Variants in GLIS3 observed in about 807,000 individuals in gnomAD.
The protein encoded by GLIS3 is GLIS family zinc finger 3, also known as zinc finger protein GLIS3.
GLIS3 carries 53 observed loss-of-function variants against 78.6 expected under a neutral mutation model. The observed-to-expected ratio is 0.67, with a 90% CI of 0.54 to 0.85. GLIS3 has a LOEUF of 0.85. Among genes scored for constraint, GLIS3 ranks in the 40% least tolerant of loss-of-function variants. GLIS3 has a pLI of 0.00. For missense variants in GLIS3, 1,703 were observed against 1,231.1 expected, an observed-to-expected ratio of 1.38 and a Z score of -5.74; for synonymous variants, 684 against 509.9, an observed-to-expected ratio of 1.34 and a Z score of -4.60.
the GLIS3 span, among the ~76,000 whole-genome samples, chr9:4,427,095 AG>A: frequency 6.6e-6 from 1 of 152,190 alleles, no homozygotes; most frequent in Non-Finnish European, 1.5e-5. Flanking sequence ...TATCCATAAA[AG>A]TTTTATCTAA....
chr9:4,003,424 T>C (rs1198259042), intron 4 of GLIS3, among the ~76,000 whole-genome samples: 1 of 152,168 alleles, frequency 6.6e-6, no homozygotes, highest in Non-Finnish European at 1.5e-5. Context: ...AAACCTGAAC[T>C]TGAGTCCCTC....
At chr9:4,235,754 A>T (rs562579098) in intron 2 of GLIS3, among the ~76,000 whole-genome samples, 18 of 152,346 alleles carry the variant, frequency 1.2e-4, no homozygotes, top group Admixed American at 1.0e-3. Flanking sequence ...AACCAAGATC[A>T]TTATCATTTA....
chr9:4,285,874 C>T (rs957015780), intron 2 of GLIS3, 164 bp downstream of exon 2: 11 of 811,128 alleles, frequency 1.4e-5, no homozygotes, highest in South Asian at 3.0e-5. Context: ...CCAACACATA[C>T]ACACCCATTC....
chr9:4,344,721 C>T (rs1266295665), intron 2 of GLIS3, among the ~76,000 whole-genome samples: 3 of 152,206 alleles, frequency 2.0e-5, no homozygotes, highest in African/African-American at 7.2e-5. Flanking sequence ...AGAAACATGA[C>T]ATATCCACAG....
chr9:4,091,742 C>A (rs806043), intron 4 of GLIS3, among the ~76,000 whole-genome samples: 104,723 of 151,980 alleles, frequency 0.69, 36,432 homozygotes, highest in African/African-American at 0.77. Context: ...CCATGATTGT[C>A]AGTTTCCTGA....
chr9:4,258,693 G>C (rs996056182), intron 2 of GLIS3, among the ~76,000 whole-genome samples: 2 of 152,204 alleles, frequency 1.3e-5, no homozygotes, highest in African/African-American at 2.4e-5. Flanking sequence ...TTAGTTTTGA[G>C]TGGCAGAACT....
intron 4 of GLIS3, among the ~76,000 whole-genome samples, chr9:4,058,993 A>G (rs539523165): frequency 6.6e-6 from 1 of 152,114 alleles, no homozygotes; most frequent in South Asian, 2.1e-4. Flanking sequence ...AAAACAAAAA[A>G]AAAAAAAGAA....
Position 4,118,317 on chromosome 9 carries a change from G to A in GLIS3, c.1161C>T (p.Asp387=), listed in dbSNP as rs1479040242. The change falls in exon 4 of 11, where the codon GAC becomes GAT. Residue 387 remains aspartate, a synonymous_variant. Transcript: ENST00000381971. The surrounding 1 kb of genome is among the most constrained non-coding windows in gnomAD (Gnocchi z 4.7). ...GCATGCGCTCGTGCTCCAGGGCCCC[G>A]TCCTCGCCGTAGGCCGGCAGCGCCA... ...GGLALPAYGE[D]GALEHERMQQ... 3.2e-6 allele frequency: 5 copies of A among 1,573,818 alleles called. No individual in the cohort carries two copies. The highest frequency in any genetic ancestry group is 4.3e-6 in the Non-Finnish European group (5 of 1,162,522).
At chr9:4,060,615 G>A (rs758865973) in intron 4 of GLIS3, among the ~76,000 whole-genome samples, 5 of 152,148 alleles carry the variant, frequency 3.3e-5, no homozygotes, top group East Asian at 1.9e-4. Flanking sequence ...GAGTTAGTTC[G>A]TTCAGACCCG....
chr9:4,034,350 T>G (rs1369340367), intron 4 of GLIS3, among the ~76,000 whole-genome samples: 1 of 152,122 alleles, frequency 6.6e-6, no homozygotes, highest in East Asian at 1.9e-4. Context: ...CATAACCTAA[T>G]TATTATATTT....
intron 4 of GLIS3, among the ~76,000 whole-genome samples, chr9:4,078,062 T>C (rs548433378): frequency 7.2e-5 from 11 of 152,306 alleles, no homozygotes; most frequent in East Asian, 1.9e-4. Context: ...AGTCTCTTCA[T>C]TGGACCCTGA....
chr9:4,130,928 G>C (rs1309685883), intron 2 of GLIS3, among the ~76,000 whole-genome samples: 2 of 152,306 alleles, frequency 1.3e-5, no homozygotes, highest in African/African-American at 4.8e-5. Flanking sequence ...AGCTGCCAGG[G>C]CTGCACCCCA....
intron 2 of GLIS3, among the ~76,000 whole-genome samples, chr9:4,322,648 T>G (rs1283281142): frequency 2.0e-5 from 3 of 152,356 alleles, no homozygotes; most frequent in Non-Finnish European, 2.9e-5. Context: ...GATTTGCATT[T>G]CTCTGATGAC....
At chr9:4,168,202 C>T (rs1438990426) in intron 2 of GLIS3, among the ~76,000 whole-genome samples, 1 of 152,176 alleles carries the variant, frequency 6.6e-6, no homozygotes, top group Non-Finnish European at 1.5e-5. Context: ...CAGACGCACA[C>T]ACACACACAT....
At chr9:4,171,548 A>G (rs1224718960) in intron 2 of GLIS3, among the ~76,000 whole-genome samples, 2 of 152,180 alleles carry the variant, frequency 1.3e-5, no homozygotes, top group Non-Finnish European at 2.9e-5. Flanking sequence ...ATAAGGAAAG[A>G]TTCTTGCTGG....
intron 4 of GLIS3, among the ~76,000 whole-genome samples, chr9:4,073,718 G>T (rs995439460): frequency 6.6e-6 from 1 of 152,108 alleles, no homozygotes; most frequent in Non-Finnish European, 1.5e-5. Flanking sequence ...GAATTCAAAC[G>T]CTTGCTCCCC....
At chr9:4,042,715 A>C (rs1337330103) in intron 4 of GLIS3, among the ~76,000 whole-genome samples, 1 of 152,210 alleles carries the variant, frequency 6.6e-6, no homozygotes, top group African/African-American at 2.4e-5. Context: ...CAAAACTCCC[A>C]AAAACAAAAA....
chr9:3,914,133 G>A (rs1824334090), intron 6 of GLIS3, among the ~76,000 whole-genome samples: 1 of 34,378 alleles, frequency 2.9e-5, no homozygotes, highest in Non-Finnish European at 5.8e-5. Flanking sequence ...AGACACTTGG[G>A]TAGTTTCTTT....
chr9:4,176,601 C>A (rs183228478), intron 2 of GLIS3, among the ~76,000 whole-genome samples: 1 of 152,004 alleles, frequency 6.6e-6, no homozygotes, highest in Admixed American at 6.6e-5. Flanking sequence ...TCTCTATGCA[C>A]ATTTCTTTCA....
Sources: gnomAD v4.1 joint callset for allele counts (sites outside exome capture counted in the v4.1 genomes callset) on GRCh38, gnomAD v4.1.1 for gene constraint, Gnocchi (gnomAD v3.1) non-coding constraint, MANE v1.5 for transcripts, NCBI Gene and HGNC (gene_info 2026-07-23, HGNC 2026-07-21) for gene names.